MFAP3: variants seen among roughly 807,000 people sequenced by gnomAD.
MFAP3 encodes the protein microfibril-associated glycoprotein 3.
A neutral mutation model predicts 20.5 loss-of-function variants in MFAP3; 8 were observed. The ratio of observed to expected loss-of-function variants is 0.39; its 90% CI spans 0.23 to 0.70. The LOEUF (loss-of-function observed/expected upper bound fraction) is 0.70. MFAP3 is among the 30% of genes least tolerant of loss of function. The pLI is 0.44. For missense variants in MFAP3, 398 were observed against 444.6 expected (o/e 0.90, Z 0.94); for synonymous variants, 140 against 154.0 (o/e 0.91, Z 0.67).
rs1773319324 is a variant in MFAP3 at position 154,055,923 on chromosome 5, T to A, written c.*2210T>A. On this transcript the variant is annotated 3_prime_UTR_variant, in exon 3 of 3. Transcript: ENST00000522782. ...GTGCCTGGCCAAAAAACATTTTAAA[T>A]CCCTTGTCTGGGGGTCAGTCCTCTA... Among the ~76,000 whole-genome samples, 1 of 152,140 alleles carries A rather than the reference T, an allele frequency of 6.6e-6. No homozygotes were observed. The highest frequency in any genetic ancestry group is 2.1e-4 in the South Asian group (1 of 4,828).
intron 1 of MFAP3, among the ~76,000 whole-genome samples, chr5:154,046,576 A>G (rs1019527613): frequency 6.6e-6 from 1 of 152,238 alleles, no homozygotes; most frequent in African/African-American, 2.4e-5. Flanking sequence ...TTATACAGCT[A>G]TACTCTGAAT....
intron 1 of MFAP3, among the ~76,000 whole-genome samples, chr5:154,045,252 G>A (rs949161782): frequency 1.3e-5 from 2 of 152,066 alleles, no homozygotes; most frequent in African/African-American, 4.8e-5. Context: ...AAGAAGATAG[G>A]GATAGGGCTC....
At chr5:154,048,304 C>T (rs1204535309) in intron 1 of MFAP3, among the ~76,000 whole-genome samples, 1 of 152,134 alleles carries the variant, frequency 6.6e-6, no homozygotes, top group Admixed American at 6.5e-5. Context: ...TCTGTATACC[C>T]CATCCTTAAA....
At chr5:154,039,309 G>A (rs750148611) in intron 1 of MFAP3, 1 of 152,234 alleles carries the variant, frequency 6.6e-6, no homozygotes, top group Non-Finnish European at 1.5e-5. Context: ...TAAGGTGGTA[G>A]TAAGTGCTGT....
intron 1 of MFAP3, among the ~76,000 whole-genome samples, chr5:154,042,939 A>C (rs1165712307): frequency 6.6e-6 from 1 of 152,188 alleles, no homozygotes; most frequent in Admixed American, 6.5e-5. Context: ...ATATTGAGTC[A>C]CCAGAACGGA....
At chr5:154,050,335 G>T (rs948612633) in intron 2 of MFAP3, among the ~76,000 whole-genome samples, 4 of 152,076 alleles carry the variant, frequency 2.6e-5, no homozygotes, top group African/African-American at 9.7e-5. Flanking sequence ...AGCTGTACAG[G>T]TGGTATACAA....
intron 1 of MFAP3, among the ~76,000 whole-genome samples, chr5:154,045,996 C>G (rs1409411609): frequency 6.6e-6 from 1 of 152,150 alleles, no homozygotes; most frequent in African/African-American, 2.4e-5. Flanking sequence ...CTCAGAAACA[C>G]CCAGGGAGCC....
chr5:154,054,068 C>T lies in MFAP3; in HGVS notation c.*355C>T, dbSNP rs1014958624. The T allele has an allele frequency of 3.9e-5, 8 of 203,816 alleles. No homozygotes were observed. The highest frequency in any genetic ancestry group is 5.5e-5 in the Non-Finnish European group (5 of 90,410). The allele number at this position is 203,816 out of a possible 1,614,324, so 12.6% of individuals were successfully genotyped here. A position where few individuals can be genotyped will look rare whatever the true frequency, so the allele number is the denominator to read the frequency against. On this transcript the variant is annotated 3_prime_UTR_variant, in exon 3 of 3. Transcript: ENST00000522782. ...ACTTATCTTGGGACTTCAGTTTTTC[C>T]GTCAATAAGATGAGGGATTAGGTGA...
chr5:154,039,956 A>G (rs899441941), intron 1 of MFAP3, among the ~76,000 whole-genome samples: 4 of 152,184 alleles, frequency 2.6e-5, no homozygotes, highest in African/African-American at 7.2e-5. Context: ...AGGTTCATCA[A>G]TATCACCTGG....
At chr5:154,051,235 C>A (rs912911286) in intron 2 of MFAP3, among the ~76,000 whole-genome samples, 10 of 152,186 alleles carry the variant, frequency 6.6e-5, no homozygotes, top group Non-Finnish European at 4.4e-5. Flanking sequence ...CTTCTCTGGG[C>A]TCTACGATAT....
At chr5:154,048,707 T>A (rs984463250) in intron 1 of MFAP3, among the ~76,000 whole-genome samples, 1 of 152,198 alleles carries the variant, frequency 6.6e-6, no homozygotes, top group African/African-American at 2.4e-5. Context: ...GATATTTTGC[T>A]CTTCTTTTAA....
chr5:154,041,177 G>A (rs1772940643), intron 1 of MFAP3, among the ~76,000 whole-genome samples: 2 of 152,068 alleles, frequency 1.3e-5, no homozygotes, highest in African/African-American at 4.8e-5. Flanking sequence ...GCATGAGAGG[G>A]TTTCCTGAAT....
chr5:154,042,909 C>T (rs557947395), intron 1 of MFAP3, among the ~76,000 whole-genome samples: 10 of 152,034 alleles, frequency 6.6e-5, no homozygotes, highest in Non-Finnish European at 1.2e-4. Flanking sequence ...CTGCAAACAT[C>T]AGTTTCCTCA....
In MFAP3 at chr5:154,055,848, A is replaced by G. The variant is rs1402368407; in HGVS notation, c.*2135A>G. On this transcript the variant is annotated 3_prime_UTR_variant, in exon 3 of 3. Transcript: ENST00000522782. Reference sequence around the variant, plus strand: ...GACCTTGTACTTGTGGCTTCAAATGATCCTCCTGCCTTACCTCCCAAAGTG... The same window carrying G: ...GACCTTGTACTTGTGGCTTCAAATGGTCCTCCTGCCTTACCTCCCAAAGTG... Among the ~76,000 whole-genome samples, 5 of 151,968 alleles carry G rather than the reference A, an allele frequency of 3.3e-5. No individual in the cohort carries two copies. The highest frequency in any genetic ancestry group is 1.2e-4 in the African/African-American group (5 of 41,362).
rs1773349551 is a variant in MFAP3 at position 154,057,021 on chromosome 5, A to G, written c.*3308A>G. On this transcript the variant is annotated 3_prime_UTR_variant, in exon 3 of 3. Transcript: ENST00000522782. ...TCCAGACAAGTGAGGCTGTTGGTAT[A>G]GTCCTCTTCACCCTCTGCATGTAGC... is the stretch of plus-strand genomic sequence containing the variant. Among the ~76,000 whole-genome samples, 1 of 152,154 alleles carries G rather than the reference A, an allele frequency of 6.6e-6. No individual in the cohort carries two copies. Among genetic ancestry groups the G allele is most frequent in the Non-Finnish European group, 1.5e-5 (1 of 68,028 alleles).
rs565507185 is a variant in MFAP3 at position 154,048,855 on chromosome 5, T to G, written c.-166-702T>G. ...TATGCTTACAAACTATTAAATACAC[T>G]GTACTTTGTCTCTTCGTATTGGAGA... On this transcript the variant is annotated intron_variant, in intron 1 of 2. Coordinates refer to ENST00000522782, the MANE Select transcript of MFAP3 (RefSeq NM_005927.5). Among the ~76,000 whole-genome samples, 8 of 152,338 alleles carry G rather than the reference T, an allele frequency of 5.3e-5. No homozygotes were observed. In the East Asian group the frequency reaches 1.5e-3, roughly 29 times the overall value.
rs1255079628 is a variant in MFAP3, at chr5:154,054,392, G to A, written c.*679G>A. The A allele has an allele frequency of 2.4e-5, 4 of 167,028 alleles. No homozygotes were observed. Among genetic ancestry groups the A allele is most frequent in the South Asian group, 2.1e-4 (1 of 4,822 alleles). 10.3% of individuals were successfully genotyped at this position (167,028 alleles called of 1,614,324 possible). A position where few individuals can be genotyped will look rare whatever the true frequency, so the allele number is the denominator to read the frequency against. ...CAGATGTCAGAGAGCTAACTGCTCTGTAAACTACTTTCCATGAGTAAATTG... is the reference window on the plus strand; with the variant it reads ...CAGATGTCAGAGAGCTAACTGCTCTATAAACTACTTTCCATGAGTAAATTG... On this transcript the variant is annotated 3_prime_UTR_variant, in exon 3 of 3. Transcript: ENST00000522782.
chr5:154,042,676 G>C (rs1772982213), intron 1 of MFAP3, among the ~76,000 whole-genome samples: 1 of 152,166 alleles, frequency 6.6e-6, no homozygotes, highest in Non-Finnish European at 1.5e-5. Flanking sequence ...TGCCGATTCA[G>C]AATGCTGCTT....
chr5:154,053,568 A>G lies in MFAP3; in HGVS notation c.944A>G (p.Gln315Arg). 6.2e-7 allele frequency: 1 copy of G among 1,613,998 alleles called. No homozygotes were observed. The change falls in exon 3 of 3, where the codon CAG becomes CGG. Residue 315 changes from glutamine (Q) to arginine (R), a missense_variant. Coordinates refer to ENST00000522782, the MANE Select transcript of MFAP3 (RefSeq NM_005927.5). ...LNEQGQEIAV[Q>R]VSVHLQSETK... The stretch of plus-strand genomic sequence containing the variant: ...GAACAAGGCCAGGAAATAGCAGTTC[A>G]GGTTTCTGTCCACCTTCAGTCAGAA...
Sources: gnomAD v4.1 joint callset for allele counts (sites outside exome capture counted in the v4.1 genomes callset) on GRCh38, gnomAD v4.1.1 for gene constraint, MANE v1.5 for transcripts, NCBI Gene and HGNC (gene_info 2026-07-23, HGNC 2026-07-21) for gene names.